OSBPL8: variants seen among roughly 807,000 people sequenced by gnomAD.
OSBPL8 encodes oxysterol binding protein like 8.
In OSBPL8, 59 loss-of-function variants were observed where a neutral mutation model predicts 125.5. The ratio of observed to expected loss-of-function variants is 0.47; its 90% CI spans 0.38 to 0.58. The LOEUF is 0.58. Ranked by LOEUF, OSBPL8 falls within the 20% of genes least tolerant of loss-of-function variation. The pLI is 0.00. For synonymous variants in OSBPL8, 330 were observed against 338.9 expected (o/e 0.97, Z 0.29); for missense variants, 758 against 1,047.8 (o/e 0.72, Z 3.82).
Position 76,354,675 on chromosome 12 carries a change from T to A in OSBPL8, c.*1214A>T, listed in dbSNP as rs543069299. 181 of 152,056 alleles carry A rather than the reference T, an allele frequency of 1.2e-3. No individual in the cohort carries two copies. Among genetic ancestry groups the A allele is most frequent in the African/African-American group, 4.2e-3 (175 of 41,536 alleles). The allele number at this position is 152,056 out of a possible 1,614,324, so 9.4% of individuals were successfully genotyped here. The stretch of plus-strand genomic sequence containing the variant: ...ACGTAAAAACACAAAATCAAAATAT[T>A]AAACTGAAGAAACAAACAAAAAAAT... On this transcript the variant is annotated 3_prime_UTR_variant, in exon 24 of 24. Coordinates refer to ENST00000261183, the MANE Select transcript of OSBPL8 (RefSeq NM_020841.5).
intron 1 of OSBPL8, among the ~76,000 whole-genome samples, chr12:76,514,941 T>C (rs1881384164): frequency 6.6e-6 from 1 of 152,268 alleles, no homozygotes; most frequent in Non-Finnish European, 1.5e-5. Flanking sequence ...TATTCTGTTG[T>C]TAATACTTGT....
chr12:76,467,264 T>G (rs1419834215), intron 2 of OSBPL8, among the ~76,000 whole-genome samples: 1 of 152,142 alleles, frequency 6.6e-6, no homozygotes, highest in African/African-American at 2.4e-5. Context: ...GTGCTCAGCT[T>G]CAACTATTTG....
chr12:76,397,802 T>C lies in OSBPL8; in HGVS notation c.564A>G (p.Val188=). 1 of 1,614,146 alleles carries C rather than the reference T, an allele frequency of 6.2e-7. No individual in the cohort carries two copies. The highest frequency in any genetic ancestry group is 8.5e-7 in the Non-Finnish European group (1 of 1,179,988). The change falls in exon 8 of 24, where the codon GTA becomes GTG. Residue 188 remains valine, a synonymous_variant. Coordinates refer to ENST00000261183, the MANE Select transcript of OSBPL8 (RefSeq NM_020841.5). Reference sequence around the variant, plus strand: ...CACAGGCATTCAGAAGAACTGTTCCTACCCACTGACCATTTTTTTGGGTTT... The same window carrying C: ...CACAGGCATTCAGAAGAACTGTTCCCACCCACTGACCATTTTTTTGGGTTT... ...IYKTQKNGQW[V]GTVLLNACEI...
chr12:76,383,633 G>A (rs2136257068), intron 15 of OSBPL8, among the ~76,000 whole-genome samples: 1 of 151,784 alleles, frequency 6.6e-6, no homozygotes, highest in Admixed American at 6.6e-5. Flanking sequence ...AAATTCTTTG[G>A]TTGAAATTTA....
rs1000333018 is a variant in OSBPL8 at position 76,361,221 on chromosome 12, T to A, written c.2329-2410A>T. On this transcript the variant is annotated intron_variant, in intron 21 of 23. Transcript: ENST00000261183. ...TTCTTCTGCCAGATACCCTAAATCA[T>A]CTCCTTCAGGTTCAAAGTTCCACAA... Among the ~76,000 whole-genome samples the A allele has an allele frequency of 2.6e-5, 4 of 152,122 alleles. No homozygotes were observed. The East Asian group carries it at 7.7e-4, about 29-fold the overall frequency.
intron 4 of OSBPL8, among the ~76,000 whole-genome samples, chr12:76,438,394 C>T (rs965052518): frequency 6.6e-6 from 1 of 151,594 alleles, no homozygotes; most frequent in African/African-American, 2.4e-5. Context: ...CATCAACCTT[C>T]CTGTACTCAA....
chr12:76,417,617 T>C (rs1034282013), intron 4 of OSBPL8, among the ~76,000 whole-genome samples: 8 of 152,216 alleles, frequency 5.3e-5, no homozygotes, highest in Non-Finnish European at 7.3e-5. Context: ...TATCTTCATC[T>C]GTATGTCCAA....
intron 1 of OSBPL8, among the ~76,000 whole-genome samples, chr12:76,535,498 A>G (rs1351070280): frequency 6.6e-6 from 1 of 152,194 alleles, no homozygotes; most frequent in Non-Finnish European, 1.5e-5. Flanking sequence ...ACTCTCATAC[A>G]TTGCTGGTGA....
intron 8 of OSBPL8, among the ~76,000 whole-genome samples, chr12:76,395,376 T>C (rs1363376128): frequency 1.3e-5 from 2 of 152,184 alleles, no homozygotes; most frequent in Admixed American, 1.3e-4. Context: ...AAGTACTGAA[T>C]TTAAAGTATA....
chr12:76,492,042 G>A (rs1878773155), intron 1 of OSBPL8, among the ~76,000 whole-genome samples: 1 of 151,830 alleles, frequency 6.6e-6, no homozygotes, highest in Non-Finnish European at 1.5e-5. Flanking sequence ...TATTCTGGAA[G>A]GGGAAGACAA....
At chr12:76,455,738 C>T (rs1873956521) in intron 3 of OSBPL8, among the ~76,000 whole-genome samples, 2 of 152,170 alleles carry the variant, frequency 1.3e-5, no homozygotes, top group South Asian at 4.1e-4. Flanking sequence ...ATTATGATTT[C>T]CTACATCAGT....
intron 3 of OSBPL8, among the ~76,000 whole-genome samples, chr12:76,451,251 T>C (rs985315975): frequency 2.0e-5 from 3 of 152,242 alleles, no homozygotes; most frequent in Middle Eastern, 3.4e-3. Flanking sequence ...CAACTGATAA[T>C]GAAAGGCCTA....
At chr12:76,392,216 G>C (rs1257269960) in intron 10 of OSBPL8, among the ~76,000 whole-genome samples, 1 of 152,134 alleles carries the variant, frequency 6.6e-6, no homozygotes, top group African/African-American at 2.4e-5. Context: ...ATAGTTATAA[G>C]GTTTCACACA....
chr12:76,556,878 C>T (rs558759404), intron 1 of OSBPL8, among the ~76,000 whole-genome samples: 40 of 152,156 alleles, frequency 2.6e-4, no homozygotes, highest in Non-Finnish European at 5.3e-4. Flanking sequence ...GTTGGCCAGG[C>T]GGGTCTTGAA....
chr12:76,497,471 C>G lies in OSBPL8; in HGVS notation c.-67-9853G>C, dbSNP rs144150627. On this transcript the variant is annotated intron_variant, in intron 1 of 23. Coordinates refer to ENST00000261183, the MANE Select transcript of OSBPL8 (RefSeq NM_020841.5). Reference sequence around the variant, plus strand: ...GGAATCTTTCCTGGTGACCCCAAATCTTGCCCTCACAGTTTTTCTCCTTTG... The same window carrying G: ...GGAATCTTTCCTGGTGACCCCAAATGTTGCCCTCACAGTTTTTCTCCTTTG... Among the ~76,000 whole-genome samples, 287 of 152,274 alleles carry G rather than the reference C, an allele frequency of 1.9e-3. 1 individual carries two copies. The highest frequency in any genetic ancestry group is 6.5e-3 in the African/African-American group (271 of 41,564).
At chr12:76,367,788 T>C (rs1238336997) in intron 21 of OSBPL8, among the ~76,000 whole-genome samples, 1 of 152,186 alleles carries the variant, frequency 6.6e-6, no homozygotes, top group Non-Finnish European at 1.5e-5. Context: ...CTAGTTTGAG[T>C]TGATACCAAC....
chr12:76,508,713 T>C (rs1245640829), intron 1 of OSBPL8, among the ~76,000 whole-genome samples: 2 of 152,234 alleles, frequency 1.3e-5, no homozygotes, highest in African/African-American at 2.4e-5. Context: ...ATGCTAATTA[T>C]AGTATAATGT....
chr12:76,411,242 C>T (rs1203960950), intron 4 of OSBPL8, among the ~76,000 whole-genome samples: 1 of 152,090 alleles, frequency 6.6e-6, no homozygotes, highest in African/African-American at 2.4e-5. Context: ...CTCCTGCAAT[C>T]ATATAACACT....
chr12:76,406,597 G>A (rs1435620163), intron 5 of OSBPL8, among the ~76,000 whole-genome samples: 1 of 152,082 alleles, frequency 6.6e-6, no homozygotes, highest in African/African-American at 2.4e-5. Context: ...AAAAGCCTAG[G>A]AAAAGGTGCA....
Sources: allele counts gnomAD v4.1 joint callset (sites outside exome capture counted in the v4.1 genomes callset), GRCh38; gene constraint gnomAD v4.1.1; transcripts MANE v1.5; gene names NCBI Gene and HGNC (gene_info 2026-07-23, HGNC 2026-07-21).